Variants in RAP1GDS1 observed in about 807,000 individuals in gnomAD.
The protein encoded by RAP1GDS1 is RAP1, GTP-GDP dissociation stimulator 1.
A neutral mutation model predicts 71.1 loss-of-function variants in RAP1GDS1; 35 were observed. That is an observed-to-expected ratio of 0.49 (90% confidence interval 0.38 to 0.65). RAP1GDS1 has a LOEUF of 0.65. Ranked by LOEUF, RAP1GDS1 falls within the 30% of genes least tolerant of loss-of-function variation. The pLI, the probability that RAP1GDS1 is intolerant of heterozygous loss-of-function variation, is 0.00. For missense variants in RAP1GDS1, 663 were observed against 706.1 expected (o/e 0.94, Z 0.69); for synonymous variants, 229 against 243.1 (o/e 0.94, Z 0.54).
At chr4:98,302,153 A>G (rs889711461) in intron 2 of RAP1GDS1, among the ~76,000 whole-genome samples, 2 of 152,214 alleles carry the variant, frequency 1.3e-5, no homozygotes, top group Non-Finnish European at 2.9e-5. Flanking sequence ...TTTTCCATCT[A>G]AGCCATCTGT....
At chr4:98,317,291 A>G (rs1236398802) in intron 2 of RAP1GDS1, among the ~76,000 whole-genome samples, 1 of 152,132 alleles carries the variant, frequency 6.6e-6, no homozygotes, top group Non-Finnish European at 1.5e-5. Flanking sequence ...TATTAGGGAG[A>G]TCTAAGCAAT....
chr4:98,441,177 T>C (rs1323891281), intron 14 of RAP1GDS1: 3 of 266,822 alleles, frequency 1.1e-5, no homozygotes, highest in Non-Finnish European at 1.7e-5. Flanking sequence ...CTAAAAACAC[T>C]GGTTCATTGG....
At chr4:98,371,749 C>T (rs1428030274) in intron 4 of RAP1GDS1, among the ~76,000 whole-genome samples, 1 of 152,076 alleles carries the variant, frequency 6.6e-6, no homozygotes, top group African/African-American at 2.4e-5. Flanking sequence ...CGAGCCTCCG[C>T]CCCTGGCCAA....
chr4:98,287,973 G>A (rs189185947), intron 1 of RAP1GDS1, among the ~76,000 whole-genome samples: 2 of 152,210 alleles, frequency 1.3e-5, no homozygotes, highest in African/African-American at 4.8e-5. Context: ...TAATAATTAT[G>A]AAGGTAGTGA....
At chr4:98,290,816 TG>T (rs1185662125) in intron 1 of RAP1GDS1, among the ~76,000 whole-genome samples, 2 of 152,044 alleles carry the variant, frequency 1.3e-5, no homozygotes. Context: ...ATAAAGCAAG[TG>T]GTCTGTCCAG....
intron 13 of RAP1GDS1, among the ~76,000 whole-genome samples, chr4:98,434,701 A>C (rs1025590892): frequency 6.6e-6 from 1 of 151,518 alleles, no homozygotes; most frequent in Non-Finnish European, 1.5e-5. Flanking sequence ...GCTCACTGCA[A>C]CGTCCGCGTC....
chr4:98,308,875 T>C (rs1035394925), intron 2 of RAP1GDS1, among the ~76,000 whole-genome samples: 1 of 152,124 alleles, frequency 6.6e-6, no homozygotes, highest in African/African-American at 2.4e-5. Context: ...TAATGTATAG[T>C]TTCAAAAGTT....
intron 8 of RAP1GDS1, among the ~76,000 whole-genome samples, 159 bp downstream of exon 8, chr4:98,417,047 C>G (rs12509834): frequency 0.14 from 21,351 of 152,056 alleles, 2,168 homozygotes; most frequent in African/African-American, 0.28. Context: ...ATTGATACAA[C>G]CAGACATAAT....
chr4:98,389,113 G>A (rs764785720), intron 5 of RAP1GDS1, among the ~76,000 whole-genome samples: 2 of 150,492 alleles, frequency 1.3e-5, no homozygotes, highest in Admixed American at 6.6e-5. Flanking sequence ...CATTGCTTTC[G>A]TACCATTGGT....
At chr4:98,330,265 C>T (rs1484644610) in intron 2 of RAP1GDS1, among the ~76,000 whole-genome samples, 1 of 152,220 alleles carries the variant, frequency 6.6e-6, no homozygotes, top group African/African-American at 2.4e-5. Flanking sequence ...TTCTTTTCCC[C>T]ACATTTCCCC....
intron 1 of RAP1GDS1, among the ~76,000 whole-genome samples, chr4:98,288,162 C>G (rs1726323172): frequency 6.6e-6 from 1 of 152,050 alleles, no homozygotes; most frequent in South Asian, 2.1e-4. Flanking sequence ...GGTATATCTC[C>G]TAATGCTATC....
intron 5 of RAP1GDS1, among the ~76,000 whole-genome samples, chr4:98,385,974 A>C (rs1742684438): frequency 2.0e-5 from 3 of 151,904 alleles, no homozygotes; most frequent in Non-Finnish European, 4.4e-5. Flanking sequence ...TCTTTATCTC[A>C]GCAGTGCTGT....
chr4:98,374,743 G>A (rs1295044283), intron 4 of RAP1GDS1, among the ~76,000 whole-genome samples: 4 of 151,956 alleles, frequency 2.6e-5, no homozygotes, highest in African/African-American at 7.3e-5. Flanking sequence ...TTTAGTAGTC[G>A]GCCGTTCTTA....
chr4:98,313,866 G>A (rs764850196), intron 2 of RAP1GDS1, among the ~76,000 whole-genome samples: 13 of 151,976 alleles, frequency 8.6e-5, no homozygotes, highest in Non-Finnish European at 1.3e-4. Context: ...TAAGAATCAC[G>A]ATCATGTCCT....
intron 4 of RAP1GDS1, among the ~76,000 whole-genome samples, chr4:98,357,947 A>T (rs1366341462): frequency 6.6e-6 from 1 of 151,996 alleles, no homozygotes; most frequent in Non-Finnish European, 1.5e-5. Context: ...ACAATAACAT[A>T]CAAAAGGTAT....
intron 7 of RAP1GDS1, among the ~76,000 whole-genome samples, chr4:98,410,354 A>G (rs2110167775): frequency 6.6e-6 from 1 of 152,236 alleles, no homozygotes; most frequent in Middle Eastern, 3.4e-3. Flanking sequence ...AGGTAACACA[A>G]AATAAAACCA....
intron 5 of RAP1GDS1, among the ~76,000 whole-genome samples, chr4:98,391,079 G>A (rs1210652010): frequency 1.3e-5 from 2 of 152,160 alleles, no homozygotes; most frequent in Non-Finnish European, 1.5e-5. Context: ...ATGATTTTTT[G>A]TATGTCTTTC....
intron 2 of RAP1GDS1, among the ~76,000 whole-genome samples, chr4:98,308,822 AC>A (rs1346273951): frequency 2.6e-5 from 4 of 152,138 alleles, no homozygotes; most frequent in African/African-American, 9.7e-5. Flanking sequence ...AGAAAAAATG[AC>A]TATTAAAACA....
At chr4:98,441,758 C>A (rs1751894936) in intron 14 of RAP1GDS1, 1 of 539,358 alleles carries the variant, frequency 1.9e-6, no homozygotes, top group African/African-American at 2.1e-5. Context: ...CAGAGCAAGT[C>A]CCCATCTTTA....
Sources: gnomAD v4.1 joint callset for allele counts (sites outside exome capture counted in the v4.1 genomes callset) on GRCh38, gnomAD v4.1.1 for gene constraint, MANE v1.5 for transcripts, NCBI Gene and HGNC (gene_info 2026-07-23, HGNC 2026-07-21) for gene names.